Variants in AP2B1 observed in about 807,000 individuals in gnomAD.
The protein encoded by AP2B1 is AP-2 complex subunit beta.
Under a neutral mutation model 102.0 loss-of-function variants are expected in AP2B1, and 23 were observed. The ratio of observed to expected loss-of-function variants is 0.23; its 90% CI spans 0.16 to 0.32. The LOEUF (loss-of-function observed/expected upper bound fraction) is 0.32. Ranked by LOEUF, AP2B1 falls within the 10% of genes least tolerant of loss-of-function variation. AP2B1 has a pLI of 1.00. For synonymous variants in AP2B1, 381 were observed against 421.2 expected, an observed-to-expected ratio of 0.90 and a Z score of 1.17; for missense variants, 541 against 1,157.4, an observed-to-expected ratio of 0.47 and a Z score of 7.73.
intron 12 of AP2B1, among the ~76,000 whole-genome samples, chr17:35,648,452 G>T (rs975546340): frequency 6.6e-5 from 10 of 152,048 alleles, no homozygotes; most frequent in African/African-American, 1.9e-4. Context: ...AGAGGCAGAG[G>T]TTGCAGTGAG....
intron 10 of AP2B1, among the ~76,000 whole-genome samples, chr17:35,638,130 G>T (rs914018334): frequency 6.6e-6 from 1 of 152,148 alleles, no homozygotes; most frequent in Non-Finnish European, 1.5e-5. Context: ...CTGTGCCACT[G>T]TGCCCGACAT....
chr17:35,696,072 C>A (rs745631195), intron 18 of AP2B1, among the ~76,000 whole-genome samples: 2 of 152,148 alleles, frequency 1.3e-5, no homozygotes, highest in Non-Finnish European at 1.5e-5. Context: ...CAAAGGTCTC[C>A]AAGACCTTGG....
chr17:35,694,957 C>A (rs1481005061), intron 18 of AP2B1, among the ~76,000 whole-genome samples: 2 of 152,022 alleles, frequency 1.3e-5, no homozygotes, highest in African/African-American at 4.8e-5. Flanking sequence ...GTGCCTCTGC[C>A]CCCCTCTTCC....
intron 1 of AP2B1, chr17:35,587,671 G>T (rs1567747267): frequency 6.5e-6 from 1 of 152,806 alleles, no homozygotes; most frequent in Non-Finnish European, 1.5e-5. Context: ...CAGGTAGTTG[G>T]GGGCAGGAGG....
intron 12 of AP2B1, among the ~76,000 whole-genome samples, chr17:35,642,361 C>G (rs2074806812): frequency 6.6e-6 from 1 of 152,156 alleles, no homozygotes; most frequent in Non-Finnish European, 1.5e-5. Context: ...ATTGTTCTAC[C>G]TTCCAGAGTA....
chr17:35,639,858 T>A (rs2074716879), intron 11 of AP2B1, 98 bp downstream of exon 11: 3 of 1,060,510 alleles, frequency 2.8e-6, no homozygotes, highest in Non-Finnish European at 4.1e-6. Flanking sequence ...TGTGTCTGTA[T>A]TTACATATAG....
rs1233556284 is a variant in AP2B1, at chr17:35,657,971, C to T, written c.1989+180C>T. The stretch of plus-strand genomic sequence containing the variant: ...AATTATAATTAATACTGTTCATCAT[C>T]GGTAATGGGGTATGTCTGCAAGTGT... On this transcript the variant is annotated intron_variant, in intron 14 of 21. Transcript: ENST00000610402. Among the ~76,000 whole-genome samples the T allele has an allele frequency of 3.9e-5, 6 of 152,122 alleles. No individual in the cohort carries two copies. In the East Asian group the frequency reaches 5.8e-4, roughly 15 times the overall value.
intron 18 of AP2B1, among the ~76,000 whole-genome samples, chr17:35,687,458 C>T (rs2075959849): frequency 2.0e-5 from 3 of 152,108 alleles, no homozygotes; most frequent in South Asian, 4.1e-4. Context: ...CATGTCCCCA[C>T]TCACTGCCAT....
intron 5 of AP2B1, among the ~76,000 whole-genome samples, chr17:35,620,572 T>C (rs1405737757): frequency 3.3e-5 from 5 of 152,186 alleles, no homozygotes; most frequent in Non-Finnish European, 5.9e-5. Flanking sequence ...CCCAGCACTT[T>C]GGGAGGCCAA....
At position 35,723,771 on chromosome 17, in the gene AP2B1, G is replaced by T. The variant is rs1192243804; in HGVS notation, c.*72G>T. ...CAAGAACTCTTAACTGGAAGAAATT[G>T]TATTGCTGCGTAGAATCTGAACACA... On this transcript the variant is annotated 3_prime_UTR_variant, in exon 22 of 22. Coordinates refer to ENST00000610402, the MANE Select transcript of AP2B1 (RefSeq NM_001030006.2). 3 of 1,126,112 alleles carry T rather than the reference G, an allele frequency of 2.7e-6. No individual in the cohort carries two copies. In the South Asian group the frequency reaches 3.8e-5, roughly 14 times the overall value. The allele number at this position is 1,126,112 out of a possible 1,614,324, so 69.8% of individuals were successfully genotyped here. A position where few individuals can be genotyped will look rare whatever the true frequency, so the allele number is the denominator to read the frequency against.
chr17:35,600,996 A>G, intron 3 of AP2B1: 1 of 985,376 alleles, frequency 1.0e-6, no homozygotes, highest in Non-Finnish European at 1.2e-6. Flanking sequence ...CACATAAAGC[A>G]CATTTGGTTT....
chr17:35,698,070 G>GA (rs1027537095), intron 18 of AP2B1, among the ~76,000 whole-genome samples: 4 of 151,920 alleles, frequency 2.6e-5, no homozygotes, highest in East Asian at 1.9e-4. Context: ...CCTTTAAATG[G>GA]AAAAAAAAGT....
chr17:35,624,522 G>A lies in AP2B1; in HGVS notation c.651G>A (p.Trp217Ter). The A allele has an allele frequency of 6.2e-7, 1 of 1,614,132 alleles. No individual in the cohort carries two copies. The highest frequency in any genetic ancestry group is 8.5e-7 in the Non-Finnish European group (1 of 1,179,996). ...CAGCCCTGAATGAATGCACTGAATG[G>A]GGCCAGATTTTCATCCTGGACTGCC... is the stretch of plus-strand genomic sequence containing the variant. ...LLTALNECTE[W>*]GQIFILDCLS... The change falls in exon 6 of 22, where the codon TGG becomes TGA. Residue 217 changes from tryptophan to a stop codon, truncating the protein, a stop_gained. Transcript: ENST00000610402. LOFTEE classifies it high-confidence loss of function.
chr17:35,661,940 C>A (rs546085224), intron 14 of AP2B1, among the ~76,000 whole-genome samples: 224 of 152,246 alleles, frequency 1.5e-3, no homozygotes, highest in African/African-American at 5.1e-3. Context: ...TTTGCTCCAA[C>A]CTAGTAGAAC....
rs587773781 is a variant in AP2B1, at chr17:35,680,580, AAGC to A, written c.2325-2114_2325-2112del. Among the ~76,000 whole-genome samples the A allele has an allele frequency of 3.7e-4, 57 of 152,064 alleles. No individual in the cohort carries two copies. In the East Asian group the frequency reaches 8.9e-3, roughly 24 times the overall value. ...GAGACAGGGTTTCTCTATGTTGCCC[AAGC>A]TGGTCTTGAACTGCTGGGCTCAAGT... is the stretch of plus-strand genomic sequence containing the variant. On this transcript the variant is annotated intron_variant, in intron 17 of 21. Coordinates refer to ENST00000610402, the MANE Select transcript of AP2B1 (RefSeq NM_001030006.2).
At chr17:35,624,657 G>T (rs1268582242) in intron 6 of AP2B1, 70 bp downstream of exon 6, 5 of 1,443,064 alleles carry the variant, frequency 3.5e-6, no homozygotes, top group South Asian at 1.4e-5. Context: ...TCTGCTATTA[G>T]AATAAATCTG....
chr17:35,723,793 C>A lies in AP2B1; in HGVS notation c.*94C>A. 1.1e-6 allele frequency: 1 copy of A among 900,868 alleles called. No individual in the cohort carries two copies. The highest frequency in any genetic ancestry group is 1.8e-6 in the Non-Finnish European group (1 of 546,354). 55.8% of individuals were successfully genotyped at this position (900,868 alleles called of 1,614,324 possible). On this transcript the variant is annotated 3_prime_UTR_variant, in exon 22 of 22. Coordinates refer to ENST00000610402, the MANE Select transcript of AP2B1 (RefSeq NM_001030006.2). Reference sequence around the variant, plus strand: ...ATTGTATTGCTGCGTAGAATCTGAACACACTGAGGCCACCTAGCAAGGTAG... The same window carrying A: ...ATTGTATTGCTGCGTAGAATCTGAAAACACTGAGGCCACCTAGCAAGGTAG...
chr17:35,630,764 C>T (rs1015879858), intron 9 of AP2B1, among the ~76,000 whole-genome samples: 1 of 152,086 alleles, frequency 6.6e-6, no homozygotes, highest in African/African-American at 2.4e-5. Context: ...ACTAAGCGTG[C>T]TTTGATGGGA....
intron 13 of AP2B1, among the ~76,000 whole-genome samples, chr17:35,655,048 T>G (rs941549458): frequency 9.9e-5 from 15 of 152,204 alleles, no homozygotes; most frequent in African/African-American, 3.6e-4. Flanking sequence ...ATTAACAGTA[T>G]AAATAATAGG....
Sources: gnomAD v4.1 joint callset for allele counts (sites outside exome capture counted in the v4.1 genomes callset) on GRCh38, gnomAD v4.1.1 for gene constraint, MANE v1.5 for transcripts, NCBI Gene and HGNC (gene_info 2026-07-23, HGNC 2026-07-21) for gene names.